Variants in SLC16A10 observed in about 807,000 individuals in gnomAD.
SLC16A10 encodes solute carrier family 16 member 10, also known as monocarboxylate transporter 10.
SLC16A10 carries 27 observed loss-of-function variants against 40.0 expected under a neutral mutation model. The observed-to-expected ratio is 0.67, with a 90% CI of 0.50 to 0.93. The LOEUF (loss-of-function observed/expected upper bound fraction) is 0.93. SLC16A10 is among the 40% of genes least tolerant of loss of function. The pLI, the probability that SLC16A10 is intolerant of heterozygous loss-of-function variation, is 0.00. For synonymous variants in SLC16A10, 213 were observed against 249.8 expected (o/e 0.85, Z 1.39); for missense variants, 529 against 658.2 (o/e 0.80, Z 2.15).
intron 1 of SLC16A10, among the ~76,000 whole-genome samples, chr6:111,112,957 A>G (rs1771416216): frequency 6.6e-6 from 1 of 152,234 alleles, no homozygotes; most frequent in African/African-American, 2.4e-5. Context: ...GCCCCAAAAC[A>G]CAAGAACTCC....
At chr6:111,160,279 C>A (rs1055047379) in intron 1 of SLC16A10, among the ~76,000 whole-genome samples, 6 of 152,190 alleles carry the variant, frequency 3.9e-5, no homozygotes, top group Admixed American at 1.3e-4. Context: ...CACTCTGTTG[C>A]CCAGGCTGGA....
At chr6:111,220,088 A>G (rs1024460374) in intron 5 of SLC16A10, among the ~76,000 whole-genome samples, 2 of 152,216 alleles carry the variant, frequency 1.3e-5, no homozygotes, top group Admixed American at 6.5e-5. Flanking sequence ...CCCTGTCTCA[A>G]AATAAAAGGT....
chr6:111,108,326 A>T lies in SLC16A10; in HGVS notation c.343+20231A>T, dbSNP rs556944818. On this transcript the variant is annotated intron_variant, in intron 1 of 5. Coordinates refer to ENST00000368851, the MANE Select transcript of SLC16A10 (RefSeq NM_018593.5). ...TGAGCCACTGTGCCTGGCCTATCTT[A>T]CAGTCTTGATTTGGCTTTATCTGAC... Among the ~76,000 whole-genome samples, 8 of 152,222 alleles carry T rather than the reference A, an allele frequency of 5.3e-5. No homozygotes were observed. In the South Asian group the frequency reaches 1.2e-3, roughly 24 times the overall value.
At chr6:111,175,956 A>G (rs925286736) in intron 2 of SLC16A10, among the ~76,000 whole-genome samples, 14 of 152,046 alleles carry the variant, frequency 9.2e-5, no homozygotes, top group Non-Finnish European at 2.1e-4. Flanking sequence ...TGGCCACCCA[A>G]AGTGTTGGGA....
Position 111,223,295 on chromosome 6 carries a change from T to G in SLC16A10, c.*1060T>G, listed in dbSNP as rs934123096. The stretch of plus-strand genomic sequence containing the variant: ...ACCAAGTCCTACATTTCCAGAACTT[T>G]CTGGCAAAAATTTGCACTCATATTA... On this transcript the variant is annotated 3_prime_UTR_variant, in exon 6 of 6. Coordinates refer to ENST00000368851, the MANE Select transcript of SLC16A10 (RefSeq NM_018593.5). The G allele has an allele frequency of 1.3e-5, 2 of 152,190 alleles. No homozygotes were observed. Among genetic ancestry groups the G allele is most frequent in the Non-Finnish European group, 2.9e-5 (2 of 68,032 alleles). The allele number at this position is 152,190 out of a possible 1,614,324, so 9.4% of individuals were successfully genotyped here. A position where few individuals can be genotyped will look rare whatever the true frequency, so the allele number is the denominator to read the frequency against.
chr6:111,158,590 C>T (rs1325396935), intron 1 of SLC16A10, among the ~76,000 whole-genome samples: 1 of 152,204 alleles, frequency 6.6e-6, no homozygotes, highest in African/African-American at 2.4e-5. Context: ...CCACTCACCT[C>T]CTGCTGTGTG....
intron 1 of SLC16A10, among the ~76,000 whole-genome samples, chr6:111,098,048 G>A (rs905643460): frequency 1.4e-4 from 22 of 152,142 alleles, no homozygotes; most frequent in Non-Finnish European, 2.6e-4. Context: ...GCTCATGCCT[G>A]TAAATCTTAG....
At chr6:111,113,912 A>T (rs12524236) in intron 1 of SLC16A10, among the ~76,000 whole-genome samples, 2 of 152,136 alleles carry the variant, frequency 1.3e-5, no homozygotes, top group African/African-American at 2.4e-5. Context: ...TGCGTGGCTG[A>T]TATGAGCAGC....
intron 4 of SLC16A10, among the ~76,000 whole-genome samples, chr6:111,212,920 T>C (rs1284591659): frequency 6.6e-5 from 10 of 152,132 alleles, no homozygotes; most frequent in Admixed American, 5.9e-4. Flanking sequence ...CCAGAATATA[T>C]ACTTTATTGG....
intron 3 of SLC16A10, among the ~76,000 whole-genome samples, chr6:111,189,165 T>C (rs1219751934): frequency 3.9e-5 from 6 of 152,180 alleles, no homozygotes; most frequent in African/African-American, 1.4e-4. Context: ...AGAAACAAAG[T>C]AGTTTTCAAA....
chr6:111,185,822 A>G (rs974593592), intron 3 of SLC16A10, among the ~76,000 whole-genome samples: 1 of 152,328 alleles, frequency 6.6e-6, no homozygotes, highest in Admixed American at 6.5e-5. Context: ...CTGGTGGATC[A>G]TTAGTCTCCT....
intron 1 of SLC16A10, among the ~76,000 whole-genome samples, chr6:111,164,669 G>A (rs1020283753): frequency 2.6e-5 from 4 of 152,242 alleles, no homozygotes; most frequent in Non-Finnish European, 5.9e-5. Context: ...GGAGGGTGAG[G>A]CAGGAGAATC....
chr6:111,194,508 T>C (rs540542741), intron 3 of SLC16A10, among the ~76,000 whole-genome samples: 2 of 152,326 alleles, frequency 1.3e-5, no homozygotes, highest in Admixed American at 1.3e-4. Flanking sequence ...TCCCAGCTGC[T>C]GCTTCCAGAA....
chr6:111,089,058 C>T (rs1021719351), intron 1 of SLC16A10, among the ~76,000 whole-genome samples: 1 of 152,040 alleles, frequency 6.6e-6, no homozygotes, highest in Admixed American at 6.6e-5. Context: ...ATTACTAAAT[C>T]AACCTCCCTC....
At chr6:111,164,321 G>A (rs999673415) in intron 1 of SLC16A10, among the ~76,000 whole-genome samples, 4 of 151,990 alleles carry the variant, frequency 2.6e-5, no homozygotes, top group African/African-American at 7.3e-5. Flanking sequence ...GTAAACCTTA[G>A]CAATTTTTAA....
At position 111,222,297 on chromosome 6, in the gene SLC16A10, T is replaced by G. The variant is rs1184717590; in HGVS notation, c.*62T>G. ...TGAATTTTAAGCAAGTTTCCTTTCC[T>G]TTTATACAAATTGCAAATTTCATAT... On this transcript the variant is annotated 3_prime_UTR_variant, in exon 6 of 6. Coordinates refer to ENST00000368851, the MANE Select transcript of SLC16A10 (RefSeq NM_018593.5). 1 of 1,523,322 alleles carries G rather than the reference T, an allele frequency of 6.6e-7. No individual in the cohort carries two copies. The highest frequency in any genetic ancestry group is 8.7e-7 in the Non-Finnish European group (1 of 1,148,256). 94.4% of individuals were successfully genotyped at this position (1,523,322 alleles called of 1,614,324 possible).
At chr6:111,209,422 C>G (rs1205294473) in intron 4 of SLC16A10, among the ~76,000 whole-genome samples, 1 of 152,054 alleles carries the variant, frequency 6.6e-6, no homozygotes, top group Non-Finnish European at 1.5e-5. Flanking sequence ...TTATCAAGAT[C>G]AATATGCAGT....
At chr6:111,155,047 C>T (rs975451231) in intron 1 of SLC16A10, among the ~76,000 whole-genome samples, 3 of 133,028 alleles carry the variant, frequency 2.3e-5, no homozygotes, top group Non-Finnish European at 4.8e-5. Flanking sequence ...AAAAAAAAGA[C>T]AATTCTGAAA....
At chr6:111,174,844 A>G (rs1221024108) in intron 2 of SLC16A10, among the ~76,000 whole-genome samples, 3 of 152,190 alleles carry the variant, frequency 2.0e-5, no homozygotes, top group Non-Finnish European at 4.4e-5. Context: ...AATGTTTTTC[A>G]AATTTTTCTG....
Sources: gnomAD v4.1 joint callset for allele counts (sites outside exome capture counted in the v4.1 genomes callset) on GRCh38, gnomAD v4.1.1 for gene constraint, MANE v1.5 for transcripts, NCBI Gene and HGNC (gene_info 2026-07-23, HGNC 2026-07-21) for gene names.